CSMD1: variants seen among roughly 807,000 people sequenced by gnomAD.
The protein encoded by CSMD1 is CUB and Sushi multiple domains 1, also known as CUB and sushi domain-containing protein 1.
In CSMD1, 213 loss-of-function variants were observed where a neutral mutation model predicts 417.5. The ratio of observed to expected loss-of-function variants is 0.51; its 90% CI spans 0.46 to 0.57. The LOEUF is 0.57. Among genes scored for constraint, CSMD1 ranks in the 20% least tolerant of loss-of-function variants. The pLI is 0.00. For synonymous variants in CSMD1, 2,862 were observed against 1,736.8 expected (o/e 1.65, Z -16.11); for missense variants, 6,923 against 4,529.7 (o/e 1.53, Z -15.17).
intron 2 of CSMD1, among the ~76,000 whole-genome samples, chr8:4,473,831 A>G (rs1218863023): frequency 6.6e-6 from 1 of 152,230 alleles, no homozygotes; most frequent in Admixed American, 6.5e-5. Context: ...ATTGTCAAAT[A>G]GGAACACGCA....
rs201163018 is a variant in CSMD1 at position 4,846,962 on chromosome 8, A to AT, written c.85+147369dup. On this transcript the variant is annotated intron_variant, in intron 1 of 69. Coordinates refer to ENST00000635120, the MANE Select transcript of CSMD1 (RefSeq NM_033225.6). ...ATTGGGAGAAAAAGATTATGTAGTG[A>AT]TTTTTTTTTCAAGATCCCTTACATC... Among the ~76,000 whole-genome samples the AT allele has an allele frequency of 8.4e-3, 1,267 of 151,628 alleles. 12 individuals are homozygous for AT. The highest frequency in any genetic ancestry group is 0.027 in the African/African-American group (1,136 of 41,320).
chr8:4,431,220 C>T (rs1797852570), intron 2 of CSMD1, among the ~76,000 whole-genome samples: 1 of 152,012 alleles, frequency 6.6e-6, no homozygotes, highest in Admixed American at 6.6e-5. Context: ...TTCATTATCT[C>T]AACAACATTA....
At chr8:3,769,378 A>C (rs1798453633) in intron 5 of CSMD1, among the ~76,000 whole-genome samples, 1 of 151,730 alleles carries the variant, frequency 6.6e-6, no homozygotes, top group Admixed American at 6.6e-5. Flanking sequence ...TCCATTAAAT[A>C]CTATGTTAAA....
At chr8:3,129,913 G>A (rs757964790) in intron 41 of CSMD1, among the ~76,000 whole-genome samples, 3 of 152,006 alleles carry the variant, frequency 2.0e-5, no homozygotes, top group African/African-American at 4.8e-5. Flanking sequence ...CCCGGGGGGC[G>A]GAGGTTGCAG....
At chr8:4,411,900 G>T (rs1424626949) in intron 3 of CSMD1, among the ~76,000 whole-genome samples, 1 of 151,682 alleles carries the variant, frequency 6.6e-6, no homozygotes, top group Non-Finnish European at 1.5e-5. Context: ...CATCTTCTGA[G>T]GTCAATACAC....
At chr8:4,415,150 G>C (rs1226546609) in intron 3 of CSMD1, among the ~76,000 whole-genome samples, 2 of 152,112 alleles carry the variant, frequency 1.3e-5, no homozygotes, top group East Asian at 1.9e-4. Flanking sequence ...CCTTCAGATA[G>C]GGCAGAAAGG....
chr8:3,197,741 G>C (rs1046997237), intron 33 of CSMD1, among the ~76,000 whole-genome samples: 4 of 152,142 alleles, frequency 2.6e-5, no homozygotes, highest in Admixed American at 6.5e-5. Context: ...TGGGATTACA[G>C]GCTTGAGCCA....
intron 1 of CSMD1, among the ~76,000 whole-genome samples, chr8:4,781,567 G>T (rs1233798524): frequency 6.6e-6 from 1 of 152,328 alleles, no homozygotes; most frequent in Non-Finnish European, 1.5e-5. Flanking sequence ...TTTCACTTTT[G>T]TGGGTCAATT....
At chr8:3,645,998 G>A (rs140060988) in intron 7 of CSMD1, among the ~76,000 whole-genome samples, 683 of 150,812 alleles carry the variant, frequency 4.5e-3, no homozygotes, top group Non-Finnish European at 6.7e-3. Flanking sequence ...TGTATTTATC[G>A]CAATTTCTGT....
At chr8:4,308,258 G>A (rs914829783) in intron 3 of CSMD1, among the ~76,000 whole-genome samples, 1 of 152,090 alleles carries the variant, frequency 6.6e-6, no homozygotes. Flanking sequence ...TTTTATGTGT[G>A]TGTGTGTCTG....
At chr8:4,632,470 C>G (rs1271662293) in intron 2 of CSMD1, among the ~76,000 whole-genome samples, 1 of 152,148 alleles carries the variant, frequency 6.6e-6, no homozygotes, top group African/African-American at 2.4e-5. Flanking sequence ...CAATATAGTA[C>G]CATTGCACTC....
Position 3,968,898 on chromosome 8 carries a change from G to C in CSMD1, c.818+29005C>G, listed in dbSNP as rs149253215. On this transcript the variant is annotated intron_variant, in intron 5 of 69. Coordinates refer to ENST00000635120, the MANE Select transcript of CSMD1 (RefSeq NM_033225.6). Reference sequence around the variant, plus strand: ...TTGCAAGAAAGATTCATGTAATTCAGATGTAATGATTTATCTCAAAGTTTT... The same window carrying C: ...TTGCAAGAAAGATTCATGTAATTCACATGTAATGATTTATCTCAAAGTTTT... Among the ~76,000 whole-genome samples the C allele has an allele frequency of 6.6e-5, 10 of 152,288 alleles. No individual in the cohort carries two copies. In the South Asian group the frequency reaches 1.9e-3, roughly 28 times the overall value.
Position 4,179,632 on chromosome 8 carries a change from T to A in CSMD1, c.416-147533A>T, listed in dbSNP as rs960170591. Among the ~76,000 whole-genome samples, 56 of 151,932 alleles carry A rather than the reference T, an allele frequency of 3.7e-4. 1 individual carries two copies. The South Asian group carries it at 5.8e-3, about 16-fold the overall frequency. On this transcript the variant is annotated intron_variant, in intron 3 of 69. Coordinates refer to ENST00000635120, the MANE Select transcript of CSMD1 (RefSeq NM_033225.6). ...ACAGCAAAACAAACTACCATCAGAG[T>A]GAACAGGCAACCTACAGAATGGGAG...
At chr8:3,883,420 A>G (rs543587826) in intron 5 of CSMD1, among the ~76,000 whole-genome samples, 1 of 152,196 alleles carries the variant, frequency 6.6e-6, no homozygotes, top group Admixed American at 6.5e-5. Flanking sequence ...GTATATATGT[A>G]TGTGTGTGTA....
chr8:3,154,162 G>A (rs1322097210), intron 39 of CSMD1, among the ~76,000 whole-genome samples: 3 of 152,116 alleles, frequency 2.0e-5, no homozygotes, highest in Non-Finnish European at 1.5e-5. Context: ...TAGTAGAGAT[G>A]GGGTTTCACC....
At chr8:4,105,908 G>T (rs957962191) in intron 3 of CSMD1, among the ~76,000 whole-genome samples, 1 of 152,186 alleles carries the variant, frequency 6.6e-6, no homozygotes, top group Middle Eastern at 3.2e-3. Flanking sequence ...GGCCCCTGCA[G>T]GCTTCAGCCC....
chr8:4,700,978 A>C (rs1320210788), intron 1 of CSMD1, among the ~76,000 whole-genome samples: 1 of 152,186 alleles, frequency 6.6e-6, no homozygotes, highest in Non-Finnish European at 1.5e-5. Flanking sequence ...ACATACTTCT[A>C]ATAATAAGTG....
rs773231004 is a variant in CSMD1 at position 3,343,343 on chromosome 8, G to C, written c.3582C>G (p.Phe1194Leu). ...NSTSNHLWLE[F>L]NTNGSDTDQG... ...GGTCGGTGTCAGATCCATTGGTGTT[G>C]AACTCTAGCCACAGGTGATTGGATG... Residue 1194 changes from phenylalanine (F) to leucine (L), a missense_variant, in exon 23 of 70, where the codon TTC (phenylalanine) becomes TTG (leucine). By Grantham distance (22) the Phe-to-Leu change is conservative (BLOSUM62 0). Transcript: ENST00000635120. The C allele has an allele frequency of 3.7e-6, 6 of 1,613,682 alleles. No individual in the cohort carries two copies. Among genetic ancestry groups the C allele is most frequent in the Non-Finnish European group, 8.5e-7 (1 of 1,179,746 alleles).
At chr8:4,028,136 G>T (rs879355637) in intron 4 of CSMD1, among the ~76,000 whole-genome samples, 1 of 152,090 alleles carries the variant, frequency 6.6e-6, no homozygotes, top group African/African-American at 2.4e-5. Context: ...GGAACATGAA[G>T]AGAAAATGAG....
Sources: allele counts gnomAD v4.1 joint callset (sites outside exome capture counted in the v4.1 genomes callset), GRCh38; gene constraint gnomAD v4.1.1; transcripts MANE v1.5; gene names NCBI Gene and HGNC (gene_info 2026-07-23, HGNC 2026-07-21).